GALNTL6: variants seen among roughly 807,000 people sequenced by gnomAD.
GALNTL6 encodes polypeptide N-acetylgalactosaminyltransferase-like 6.
Under a neutral mutation model 73.7 loss-of-function variants are expected in GALNTL6, and 46 were observed. The observed-to-expected ratio is 0.62, with a 90% CI of 0.49 to 0.80. GALNTL6 has a LOEUF of 0.80. Ranked by LOEUF, GALNTL6 falls within the 30% of genes least tolerant of loss-of-function variation. GALNTL6 has a pLI of 0.00. For synonymous variants in GALNTL6, 259 were observed against 263.7 expected, an observed-to-expected ratio of 0.98 and a Z score of 0.17; for missense variants, 604 against 755.0, an observed-to-expected ratio of 0.80 and a Z score of 2.34.
At chr4:172,136,906 A>T (rs569532645) in intron 2 of GALNTL6, among the ~76,000 whole-genome samples, 1 of 152,070 alleles carries the variant, frequency 6.6e-6, no homozygotes, top group Non-Finnish European at 1.5e-5. Context: ...AATTAAAAGT[A>T]AATAATTAGT....
At position 172,348,632 on chromosome 4, in the gene GALNTL6, C is replaced by G; in HGVS notation, c.496C>G (p.Arg166Gly). The part of the protein sequence containing the change: ...LLRTIHSIIN[R>G]TPGSLIAEII... The stretch of plus-strand genomic sequence containing the variant: ...GCGGACCATACACAGTATAATTAAC[C>G]GAACCCCAGGGAGTCTGATAGCAGA... The change falls in exon 5 of 13, where the codon CGA becomes GGA. Residue 166 changes from arginine (R) to glycine (G), a missense_variant. Physicochemically the swap from Arg to Gly is moderately radical, Grantham distance 125 (BLOSUM62 -2). Around this residue, in one of 5 missense-constraint regions of GALNTL6, gnomAD observed 179 missense variants for 230.8 expected, o/e 0.78. Coordinates refer to ENST00000506823, the MANE Select transcript of GALNTL6 (RefSeq NM_001034845.3). The G allele has an allele frequency of 6.2e-7, 1 of 1,611,656 alleles. No individual in the cohort carries two copies. Among genetic ancestry groups the G allele is most frequent in the Non-Finnish European group, 8.5e-7 (1 of 1,178,502 alleles).
chr4:172,318,717 A>G lies in GALNTL6; in HGVS notation c.386+6965A>G, dbSNP rs199858670. Among the ~76,000 whole-genome samples the G allele has an allele frequency of 1.1e-3, 139 of 127,038 alleles. 1 individual carries two copies. In the South Asian group the frequency reaches 0.016, roughly 15 times the overall value. The allele number at this position is 127,038 out of a possible 152,430, so 83.3% of individuals were successfully genotyped here. Reference sequence around the variant, plus strand: ...AACTCCATCCCCCCCACCCCCCAAAAAAACCAACAACAACAAAAAACAACA... The same window carrying G: ...AACTCCATCCCCCCCACCCCCCAAAGAAACCAACAACAACAAAAAACAACA... On this transcript the variant is annotated intron_variant, in intron 4 of 12. Coordinates refer to ENST00000506823, the MANE Select transcript of GALNTL6 (RefSeq NM_001034845.3).
chr4:172,024,325 A>G (rs1050298577), intron 2 of GALNTL6, among the ~76,000 whole-genome samples: 3 of 151,762 alleles, frequency 2.0e-5, no homozygotes, highest in Non-Finnish European at 4.4e-5. Context: ...TGTTTAATAT[A>G]TATATACATA....
chr4:172,291,243 A>G (rs972686034), intron 3 of GALNTL6, among the ~76,000 whole-genome samples: 5 of 152,084 alleles, frequency 3.3e-5, no homozygotes, highest in Non-Finnish European at 7.4e-5. Flanking sequence ...TTTATTGTAA[A>G]AGTCTAACAA....
At chr4:172,459,034 C>T (rs183787151) in intron 5 of GALNTL6, among the ~76,000 whole-genome samples, 89 of 152,304 alleles carry the variant, frequency 5.8e-4, no homozygotes, top group African/African-American at 1.8e-3. Context: ...TCGGCTTCAT[C>T]CCTGGGATGC....
chr4:171,980,904 A>G (rs1490318318), intron 2 of GALNTL6, among the ~76,000 whole-genome samples: 2 of 152,250 alleles, frequency 1.3e-5, no homozygotes, highest in African/African-American at 4.8e-5. Context: ...ATATTTTAAA[A>G]AGTAGTATTT....
At chr4:171,943,969 C>G (rs1195326542) in intron 2 of GALNTL6, among the ~76,000 whole-genome samples, 1 of 151,832 alleles carries the variant, frequency 6.6e-6, no homozygotes, top group Non-Finnish European at 1.5e-5. Flanking sequence ...TGAACCTAAG[C>G]CTTCTAGAAA....
chr4:172,193,037 G>T (rs1172785242), intron 2 of GALNTL6, among the ~76,000 whole-genome samples: 1 of 152,220 alleles, frequency 6.6e-6, no homozygotes, highest in East Asian at 1.9e-4. Flanking sequence ...GAAGCACCTG[G>T]GTGGAGGGGC....
chr4:172,518,978 G>A (rs1734692367), intron 5 of GALNTL6, among the ~76,000 whole-genome samples: 1 of 151,692 alleles, frequency 6.6e-6, no homozygotes, highest in South Asian at 2.1e-4. Flanking sequence ...ACAATGCATG[G>A]AGAAGAGCAC....
chr4:171,917,909 T>C (rs541348967), intron 2 of GALNTL6, among the ~76,000 whole-genome samples: 2 of 152,186 alleles, frequency 1.3e-5, no homozygotes, highest in African/African-American at 4.8e-5. Context: ...GTTGACACCT[T>C]CTCAGAGAGT....
intron 8 of GALNTL6, among the ~76,000 whole-genome samples, chr4:172,912,476 C>A (rs113934121): frequency 2.0e-5 from 3 of 152,190 alleles, no homozygotes; most frequent in African/African-American, 7.2e-5. Flanking sequence ...ACAAGGGAAG[C>A]CATGACAGAC....
chr4:172,622,130 TA>T (rs1738986794), intron 5 of GALNTL6, among the ~76,000 whole-genome samples: 1 of 151,952 alleles, frequency 6.6e-6, no homozygotes, highest in South Asian at 2.1e-4. Flanking sequence ...TTGGAGCAAG[TA>T]AAAACAAGAA....
chr4:172,132,448 C>A (rs1233599511), intron 2 of GALNTL6, among the ~76,000 whole-genome samples: 1 of 152,076 alleles, frequency 6.6e-6, no homozygotes, highest in Non-Finnish European at 1.5e-5. Flanking sequence ...ATACTTTAAG[C>A]CTCAACATTG....
At chr4:172,051,228 G>T (rs112399833) in intron 2 of GALNTL6, among the ~76,000 whole-genome samples, 1,790 of 152,170 alleles carry the variant, frequency 0.012, 22 homozygotes, top group African/African-American at 0.041. Context: ...TGAGTGCTTT[G>T]GGGCTCCATC....
chr4:172,648,176 G>C (rs1740323120), intron 5 of GALNTL6, among the ~76,000 whole-genome samples: 1 of 152,140 alleles, frequency 6.6e-6, no homozygotes, highest in South Asian at 2.1e-4. Flanking sequence ...CTGGCTATCT[G>C]CTGGCTTCCA....
chr4:172,576,572 T>G (rs1736964646), intron 5 of GALNTL6, among the ~76,000 whole-genome samples: 1 of 152,166 alleles, frequency 6.6e-6, no homozygotes. Flanking sequence ...TACAAATCAA[T>G]TACCTAACTT....
intron 5 of GALNTL6, among the ~76,000 whole-genome samples, chr4:172,375,029 G>A (rs968480598): frequency 6.6e-6 from 1 of 152,118 alleles, no homozygotes; most frequent in African/African-American, 2.4e-5. Context: ...ATAGCCTGGG[G>A]GGTTAGTGGT....
chr4:171,907,100 T>C (rs1253762699), intron 2 of GALNTL6, among the ~76,000 whole-genome samples: 1 of 152,054 alleles, frequency 6.6e-6, no homozygotes, highest in Non-Finnish European at 1.5e-5. Context: ...AGGGATGCCC[T>C]CTCTCACCAC....
Position 172,930,960 on chromosome 4 carries a change from C to T in GALNTL6, c.1042-201C>T, listed in dbSNP as rs531942452. On this transcript the variant is annotated intron_variant, in intron 8 of 12. Transcript: ENST00000506823. ...GATTATAAGCATGAACCACTGCACT[C>T]AGCTGTATTTTGGTTTTAAACTTTT... 2.6e-5 allele frequency among the ~76,000 whole-genome samples: 4 copies of T among 152,224 alleles called. No individual in the cohort carries two copies. The East Asian group carries it at 5.8e-4, about 22-fold the overall frequency.
Sources: allele counts gnomAD v4.1 joint callset (sites outside exome capture counted in the v4.1 genomes callset), GRCh38; gene constraint gnomAD v4.1.1; regional missense constraint gnomAD v4.1.1; transcripts MANE v1.5; gene names NCBI Gene and HGNC (gene_info 2026-07-23, HGNC 2026-07-21).